ANKMY2: variants seen among roughly 807,000 people sequenced by gnomAD.
ANKMY2 encodes ankyrin repeat and MYND domain-containing protein 2.
In ANKMY2, 36 loss-of-function variants were observed where a neutral mutation model predicts 50.4. That is an observed-to-expected ratio of 0.71 (90% CI 0.55 to 0.94). The LOEUF (loss-of-function observed/expected upper bound fraction) is 0.94, where lower values mean the gene tolerates loss of function less well. Ranked by LOEUF, ANKMY2 falls within the 40% of genes least tolerant of loss-of-function variation. ANKMY2 has a pLI of 0.00. For synonymous variants in ANKMY2, 187 were observed against 178.8 expected (o/e 1.05, Z -0.36); for missense variants, 565 against 524.0 (o/e 1.08, Z -0.76).
intron 1 of ANKMY2, among the ~76,000 whole-genome samples, chr7:16,639,295 T>C (rs1275625264): frequency 1.3e-5 from 2 of 152,174 alleles, no homozygotes; most frequent in Non-Finnish European, 2.9e-5. Flanking sequence ...TTCTGGGAAA[T>C]AAATATGTTA....
chr7:16,641,778 AAGCC>A (rs1233229487), intron 1 of ANKMY2, among the ~76,000 whole-genome samples: 1 of 152,162 alleles, frequency 6.6e-6, no homozygotes, highest in Non-Finnish European at 1.5e-5. Flanking sequence ...TGAATGAAAG[AAGCC>A]AGCCCCCCCT....
intron 1 of ANKMY2, chr7:16,644,918 C>T (rs1781807866): frequency 2.9e-6 from 1 of 343,416 alleles, no homozygotes; most frequent in Non-Finnish European, 5.7e-6. Context: ...TTCCTTGTCT[C>T]TCTAGGGTTC....
intron 1 of ANKMY2, among the ~76,000 whole-genome samples, chr7:16,639,538 C>A (rs1378337201): frequency 6.6e-6 from 1 of 152,118 alleles, no homozygotes; most frequent in Non-Finnish European, 1.5e-5. Flanking sequence ...TCTGGATGAA[C>A]AAGCATTTTA....
intron 1 of ANKMY2, among the ~76,000 whole-genome samples, chr7:16,643,159 G>T (rs891946804): frequency 2.0e-5 from 3 of 152,092 alleles, no homozygotes; most frequent in African/African-American, 7.2e-5. Context: ...TCACACAGAG[G>T]ACTTGAGGCT....
chr7:16,628,494 T>C (rs569104288), intron 2 of ANKMY2, among the ~76,000 whole-genome samples: 31 of 121,186 alleles, frequency 2.6e-4, no homozygotes, highest in Admixed American at 5.6e-4. Context: ...TCTACAGAGA[T>C]GGAATATTAG....
intron 4 of ANKMY2, 112 bp from the exon 5 acceptor site, chr7:16,616,016 T>A: frequency 2.0e-6 from 2 of 1,019,360 alleles, no homozygotes; most frequent in South Asian, 3.5e-5. Context: ...CCAATATCTT[T>A]ATTTTTCAGG....
At position 16,645,751 on chromosome 7, in the gene ANKMY2, G is replaced by T; in HGVS notation, c.-178C>A. The stretch of plus-strand genomic sequence containing the variant: ...CCGCGGGCTGGCGGACAGCGGGCGA[G>T]CTCGGGCGAGCCAGGCGGACGGTCT... On this transcript the variant is annotated 5_prime_UTR_variant, in exon 1 of 10. Transcript: ENST00000306999. The T allele has an allele frequency of 1.6e-6, 1 of 633,086 alleles. No individual in the cohort carries two copies. Among genetic ancestry groups the T allele is most frequent in the Non-Finnish European group, 2.5e-6 (1 of 406,918 alleles). 39.2% of individuals were successfully genotyped at this position (633,086 alleles called of 1,614,324 possible).
chr7:16,633,273 T>C (rs1214303974), intron 2 of ANKMY2, among the ~76,000 whole-genome samples: 2 of 152,102 alleles, frequency 1.3e-5, no homozygotes, highest in Admixed American at 1.3e-4. Context: ...CTTATCTATT[T>C]TTATATTGTT....
At chr7:16,601,019 A>T (rs973774069) in intron 9 of ANKMY2, 74 bp from the exon 10 acceptor site, 14 of 1,201,516 alleles carry the variant, frequency 1.2e-5, no homozygotes, top group Non-Finnish European at 1.6e-5. Context: ...TACATGTATT[A>T]TTTAATCTTC....
intron 1 of ANKMY2, among the ~76,000 whole-genome samples, chr7:16,642,527 T>C (rs545606828): frequency 2.6e-5 from 4 of 152,170 alleles, no homozygotes; most frequent in Admixed American, 2.0e-4. Flanking sequence ...ATCACTTAAA[T>C]ATTTGCCGAG....
intron 8 of ANKMY2, among the ~76,000 whole-genome samples, chr7:16,604,387 G>T (rs758765820): frequency 3.7e-4 from 56 of 152,174 alleles, no homozygotes; most frequent in Middle Eastern, 3.2e-3. Flanking sequence ...CCTATTCTAG[G>T]TTTCACATCT....
chr7:16,604,414 C>T (rs1781119770), intron 8 of ANKMY2, among the ~76,000 whole-genome samples: 1 of 151,188 alleles, frequency 6.6e-6, no homozygotes, highest in Non-Finnish European at 1.5e-5. Context: ...GCCTTGGTCT[C>T]GTGCCCCACG....
intron 2 of ANKMY2, among the ~76,000 whole-genome samples, chr7:16,629,553 T>C (rs1781551103): frequency 6.6e-6 from 1 of 151,578 alleles, no homozygotes; most frequent in South Asian, 2.1e-4. Flanking sequence ...AAAAGGTAAA[T>C]GTCTATCCCA....
rs1346484959 is a variant in ANKMY2, at chr7:16,600,019, A to G, written c.*742T>C. 2 of 152,228 alleles carry G rather than the reference A, an allele frequency of 1.3e-5. No homozygotes were observed. Among genetic ancestry groups the G allele is most frequent in the African/African-American group, 4.8e-5 (2 of 41,454 alleles). The allele number at this position is 152,228 out of a possible 1,614,324, so 9.4% of individuals were successfully genotyped here. A position where few individuals can be genotyped will look rare whatever the true frequency, so the allele number is the denominator to read the frequency against. ...TGGCACGTGAATTAGCCTTACAGTA[A>G]TTGTGTACATAGTATGTTTAGTCAT... On this transcript the variant is annotated 3_prime_UTR_variant, in exon 10 of 10. Coordinates refer to ENST00000306999, the MANE Select transcript of ANKMY2 (RefSeq NM_020319.3).
intron 4 of ANKMY2, among the ~76,000 whole-genome samples, chr7:16,624,408 G>C (rs1049172798): frequency 6.6e-6 from 1 of 152,118 alleles, no homozygotes; most frequent in Non-Finnish European, 1.5e-5. Flanking sequence ...CAAAATAAAC[G>C]TCTGTGGTTG....
intron 1 of ANKMY2, among the ~76,000 whole-genome samples, chr7:16,641,801 G>C (rs543774227): frequency 3.9e-5 from 6 of 152,202 alleles, no homozygotes; most frequent in East Asian, 3.9e-4. Flanking sequence ...CTCAAAAAAA[G>C]GATACTTATT....
chr7:16,617,673 C>G (rs1274684451), intron 4 of ANKMY2, among the ~76,000 whole-genome samples: 2 of 152,052 alleles, frequency 1.3e-5, no homozygotes, highest in Admixed American at 6.5e-5. Context: ...ACTAGTAACA[C>G]AGAGGATGAA....
intron 1 of ANKMY2, among the ~76,000 whole-genome samples, chr7:16,643,099 T>G (rs762403816): frequency 6.6e-6 from 1 of 152,218 alleles, no homozygotes; most frequent in South Asian, 2.1e-4. Flanking sequence ...CTAACTACTT[T>G]CATCCCCATA....
At chr7:16,612,850 C>T (rs954840082) in intron 5 of ANKMY2, among the ~76,000 whole-genome samples, 2 of 152,038 alleles carry the variant, frequency 1.3e-5, no homozygotes, top group Non-Finnish European at 2.9e-5. Flanking sequence ...AAAGGAAATC[C>T]TTTTTATTAA....
Sources: allele counts gnomAD v4.1 joint callset (sites outside exome capture counted in the v4.1 genomes callset), GRCh38; gene constraint gnomAD v4.1.1; transcripts MANE v1.5; gene names NCBI Gene and HGNC (gene_info 2026-07-23, HGNC 2026-07-21).